Variants in MTMR14 observed in about 807,000 individuals in gnomAD.
MTMR14 encodes myotubularin related protein 14.
A neutral mutation model predicts 86.3 loss-of-function variants in MTMR14; 48 were observed. The ratio of observed to expected loss-of-function variants is 0.56; its 90% CI spans 0.44 to 0.71. MTMR14 has a LOEUF of 0.71. MTMR14 is among the 30% of genes least tolerant of loss of function. The pLI, the probability that MTMR14 is intolerant of heterozygous loss-of-function variation, is 0.00. For missense variants in MTMR14, 780 were observed against 834.6 expected (o/e 0.93, Z 0.81); for synonymous variants, 366 against 326.1 (o/e 1.12, Z -1.32).
At chr3:9,666,781 G>A (rs1372892061) in intron 3 of MTMR14, among the ~76,000 whole-genome samples, 1 of 152,186 alleles carries the variant, frequency 6.6e-6, no homozygotes, top group Non-Finnish European at 1.5e-5. Flanking sequence ...TCCACGGACC[G>A]TATTAGAGGC....
Position 9,701,696 on chromosome 3 carries a change from G to T in MTMR14, c.1770-94G>T. The T allele has an allele frequency of 7.2e-7, 1 of 1,391,508 alleles. No homozygotes were observed. The highest frequency in any genetic ancestry group is 9.8e-7 in the Non-Finnish European group (1 of 1,019,302). The allele number at this position is 1,391,508 out of a possible 1,614,324, so 86.2% of individuals were successfully genotyped here. A position where few individuals can be genotyped will look rare whatever the true frequency, so the allele number is the denominator to read the frequency against. Reference sequence around the variant, plus strand: ...CACTGGCCTTGTACAGTCAGAAGAAGCACAAGGACAGGTGGTATGGAGGGA... The same window carrying T: ...CACTGGCCTTGTACAGTCAGAAGAATCACAAGGACAGGTGGTATGGAGGGA... On this transcript the variant is annotated intron_variant, in intron 18 of 18. Coordinates refer to ENST00000296003, the MANE Select transcript of MTMR14 (RefSeq NM_001077525.3). The surrounding 1 kb of genome is among the most constrained non-coding windows in gnomAD (Gnocchi z 4.2).
At chr3:9,682,632 ACTC>A (rs2125248822) in intron 9 of MTMR14, among the ~76,000 whole-genome samples, 1 of 152,272 alleles carries the variant, frequency 6.6e-6, no homozygotes, top group South Asian at 2.1e-4. Flanking sequence ...TGCCAGACAG[ACTC>A]CATTTATTAT....
chr3:9,693,198 A>T (rs1481542016), intron 17 of MTMR14, among the ~76,000 whole-genome samples: 1 of 152,258 alleles, frequency 6.6e-6, no homozygotes, highest in Non-Finnish European at 1.5e-5. Context: ...ATCCATGATC[A>T]GCCAACCAGA....
intron 7 of MTMR14, among the ~76,000 whole-genome samples, chr3:9,673,229 G>GC (rs2048668827): frequency 6.6e-6 from 1 of 152,308 alleles, no homozygotes; most frequent in African/African-American, 2.4e-5. Context: ...TATGGAAATT[G>GC]CCCCAGGCAA....
chr3:9,689,007 C>T lies in MTMR14; in HGVS notation c.1358C>T (p.Ser453Phe), dbSNP rs776655293. The change falls in exon 16 of 19, where the codon TCC (serine) becomes TTC (phenylalanine). Residue 453 changes from serine to phenylalanine, a missense_variant. Transcript: ENST00000296003. ...GACTTCTCCCTGGTCATGGAGAGTTCCCCAGGAGCCACTGGGAGCTTCACC... is the reference window on the plus strand; with the variant it reads ...GACTTCTCCCTGGTCATGGAGAGTTTCCCAGGAGCCACTGGGAGCTTCACC... The part of the protein sequence containing the change: ...GSDFSLVMES[S>F]PGATGSFTYE... 2.5e-6 allele frequency: 4 copies of T among 1,613,966 alleles called. No homozygotes were observed. Among genetic ancestry groups the T allele is most frequent in the Non-Finnish European group, 3.4e-6 (4 of 1,180,034 alleles).
chr3:9,661,593 TC>T (rs1283180555), intron 2 of MTMR14, among the ~76,000 whole-genome samples: 1 of 152,066 alleles, frequency 6.6e-6, no homozygotes, highest in African/African-American at 2.4e-5. Context: ...ACAAAAATGG[TC>T]CTGTGATTTC....
At chr3:9,658,363 T>C (rs1001894858) in intron 2 of MTMR14, among the ~76,000 whole-genome samples, 2 of 152,232 alleles carry the variant, frequency 1.3e-5, no homozygotes, top group African/African-American at 2.4e-5. Context: ...AATAGAAGCC[T>C]GGACAGGGAT....
At chr3:9,681,667 C>T (rs748135673) in intron 9 of MTMR14, among the ~76,000 whole-genome samples, 4 of 152,166 alleles carry the variant, frequency 2.6e-5, no homozygotes, top group African/African-American at 7.2e-5. Flanking sequence ...GAGTCAGGCA[C>T]GAGCCTTGTT....
At chr3:9,653,574 C>A (rs1378278399) in intron 1 of MTMR14, 47 bp from the exon 2 acceptor site, 1 of 1,613,316 alleles carries the variant, frequency 6.2e-7, no homozygotes, top group African/African-American at 1.3e-5. Context: ...TTCTCACCCT[C>A]AGAACCCCAG....
At chr3:9,678,305 A>C (rs536809420) in intron 9 of MTMR14, among the ~76,000 whole-genome samples, 3 of 152,326 alleles carry the variant, frequency 2.0e-5, no homozygotes, top group African/African-American at 4.8e-5. Context: ...TGCATCCACC[A>C]GGGGGTTCTG....
intron 10 of MTMR14, chr3:9,683,518 CA>C: frequency 2.3e-6 from 1 of 429,690 alleles, no homozygotes; most frequent in Non-Finnish European, 4.3e-6. Flanking sequence ...CATTGCACAA[CA>C]GCATTGTGTG....
chr3:9,694,674 C>T (rs1419282248), intron 17 of MTMR14, among the ~76,000 whole-genome samples: 5 of 152,218 alleles, frequency 3.3e-5, no homozygotes, highest in Non-Finnish European at 7.3e-5. Flanking sequence ...TGTCATGGCA[C>T]TAGGCAGCTG....
chr3:9,699,505 G>A (rs1228520790), intron 18 of MTMR14: 1 of 152,242 alleles, frequency 6.6e-6, no homozygotes, highest in Non-Finnish European at 1.5e-5. Flanking sequence ...TGTGGGTTCA[G>A]CACTTGGGCT....
chr3:9,671,972 A>G (rs2048587636), intron 6 of MTMR14, among the ~76,000 whole-genome samples: 1 of 152,116 alleles, frequency 6.6e-6, no homozygotes, highest in Admixed American at 6.5e-5. Context: ...CAGAGTCCCC[A>G]GTGTTTATTT....
chr3:9,691,341 C>G (rs1228146911), intron 17 of MTMR14, among the ~76,000 whole-genome samples: 4 of 152,210 alleles, frequency 2.6e-5, no homozygotes, highest in Non-Finnish European at 4.4e-5. Context: ...TGCCGGTGCC[C>G]CGTCCCATCC....
At chr3:9,657,364 C>T (rs1318943276) in intron 2 of MTMR14, among the ~76,000 whole-genome samples, 1 of 152,152 alleles carries the variant, frequency 6.6e-6, no homozygotes, top group Non-Finnish European at 1.5e-5. Context: ...CATAATAGTA[C>T]ATTGAGAAAC....
intron 7 of MTMR14, among the ~76,000 whole-genome samples, chr3:9,675,941 A>G (rs1220208040): frequency 3.3e-5 from 5 of 152,170 alleles, no homozygotes; most frequent in African/African-American, 1.2e-4. Context: ...CTAAAGTGTT[A>G]TGGCTGAAGA....
chr3:9,655,383 T>C (rs2047537248), intron 2 of MTMR14, among the ~76,000 whole-genome samples: 2 of 151,134 alleles, frequency 1.3e-5, no homozygotes, highest in Admixed American at 1.3e-4. Flanking sequence ...AAAAAAAAGA[T>C]GACAGATTCT....
chr3:9,669,379 T>C, intron 4 of MTMR14, 53 bp from the exon 5 acceptor site: 1 of 1,588,182 alleles, frequency 6.3e-7, no homozygotes, highest in Admixed American at 1.7e-5. Context: ...GAGGCCCCTG[T>C]GTGGAGCCCT....
Sources: gnomAD v4.1 joint callset for allele counts (sites outside exome capture counted in the v4.1 genomes callset) on GRCh38, gnomAD v4.1.1 for gene constraint, Gnocchi (gnomAD v3.1) non-coding constraint, MANE v1.5 for transcripts, NCBI Gene and HGNC (gene_info 2026-07-23, HGNC 2026-07-21) for gene names.